BBS9: variants seen among roughly 807,000 people sequenced by gnomAD.
The protein encoded by BBS9 is protein PTHB1.
In BBS9, 89 loss-of-function variants were observed where a neutral mutation model predicts 117.7. The observed-to-expected ratio is 0.76, with a 90% CI of 0.64 to 0.90. The LOEUF (loss-of-function observed/expected upper bound fraction) is 0.90, where lower values mean the gene tolerates loss of function less well. Among genes scored for constraint, BBS9 ranks in the 40% least tolerant of loss-of-function variants. The pLI, the probability that BBS9 is intolerant of heterozygous loss-of-function variation, is 0.00. For synonymous variants in BBS9, 379 were observed against 370.9 expected (o/e 1.02, Z -0.25); for missense variants, 982 against 1,042.2 (o/e 0.94, Z 0.80).
intron 4 of BBS9, among the ~76,000 whole-genome samples, chr7:33,168,033 A>G (rs1367739844): frequency 6.6e-6 from 1 of 152,210 alleles, no homozygotes; most frequent in Non-Finnish European, 1.5e-5. Flanking sequence ...ATTTTGGTAC[A>G]TATATTAATA....
chr7:33,399,600 G>T (rs763835915), intron 19 of BBS9, among the ~76,000 whole-genome samples: 12 of 151,980 alleles, frequency 7.9e-5, no homozygotes, highest in Non-Finnish European at 1.0e-4. Context: ...AATGTTTATT[G>T]TACCTGCATA....
At chr7:33,303,384 T>A (rs1455577011) in intron 9 of BBS9, among the ~76,000 whole-genome samples, 1 of 152,192 alleles carries the variant, frequency 6.6e-6, no homozygotes, top group Non-Finnish European at 1.5e-5. Flanking sequence ...AGTATGAAAC[T>A]AGCTATGGGT....
chr7:33,290,413 A>C (rs1803791409), intron 9 of BBS9, among the ~76,000 whole-genome samples: 1 of 152,204 alleles, frequency 6.6e-6, no homozygotes, highest in Admixed American at 6.5e-5. Context: ...TAATGGAGGG[A>C]TGCAGTTAAA....
At chr7:33,378,673 C>A (rs1824367448) in intron 17 of BBS9, among the ~76,000 whole-genome samples, 1 of 152,188 alleles carries the variant, frequency 6.6e-6, no homozygotes, top group Admixed American at 6.5e-5. Flanking sequence ...CCATAGGCAG[C>A]TGAGGCAGAC....
intron 4 of BBS9, among the ~76,000 whole-genome samples, chr7:33,171,552 C>T (rs145237847): frequency 1.4e-3 from 214 of 152,216 alleles, no homozygotes; most frequent in African/African-American, 5.0e-3. Flanking sequence ...TAATTTCGAA[C>T]TAATTTTATA....
At position 33,249,625 on chromosome 7, in the gene BBS9, T is replaced by C. The variant is rs148972924; in HGVS notation, c.443-7611T>C. Among the ~76,000 whole-genome samples the C allele has an allele frequency of 2.2e-3, 328 of 152,268 alleles. 3 individuals are homozygous for C. Among genetic ancestry groups the C allele is most frequent in the African/African-American group, 7.2e-3 (301 of 41,554 alleles). On this transcript the variant is annotated intron_variant, in intron 5 of 22. Transcript: ENST00000242067. ...CAAGTAATATTTCAAATCACAACAG[T>C]TGTTTTTCTCTTATTGTGCTCAAAA...
chr7:33,326,518 C>T (rs1812887761), intron 9 of BBS9, among the ~76,000 whole-genome samples: 2 of 152,100 alleles, frequency 1.3e-5, no homozygotes, highest in African/African-American at 4.8e-5. Flanking sequence ...GACAAAGTCC[C>T]CTTTACTCTT....
chr7:33,597,067 TGTCACA>T (rs1400612092), intron 21 of BBS9, among the ~76,000 whole-genome samples: 1 of 119,496 alleles, frequency 8.4e-6, no homozygotes, highest in East Asian at 2.6e-4. Context: ...TCTCTCTCTC[TGTCACA>T]CACACACACA....
intron 9 of BBS9, among the ~76,000 whole-genome samples, chr7:33,294,069 G>A (rs555237865): frequency 1.3e-4 from 20 of 152,194 alleles, no homozygotes; most frequent in Non-Finnish European, 8.8e-5. Context: ...CAGAAACACA[G>A]CATTGTGAAT....
At chr7:33,449,939 TA>T in intron 19 of BBS9, among the ~76,000 whole-genome samples, 1 of 152,158 alleles carries the variant, frequency 6.6e-6, no homozygotes, top group Non-Finnish European at 1.5e-5. Flanking sequence ...GTCCACCACA[TA>T]TACATTGTTG....
At chr7:33,635,324 T>A (rs143789885) in exon 22 of BBS9, among the ~76,000 whole-genome samples, 1 of 152,288 alleles carries the variant, frequency 6.6e-6, no homozygotes, top group Non-Finnish European at 1.5e-5. Context: ...GACAGGCCAA[T>A]GGAGAAGGTC....
At chr7:33,548,003 T>C (rs1317301876) in intron 21 of BBS9, among the ~76,000 whole-genome samples, 1 of 152,132 alleles carries the variant, frequency 6.6e-6, no homozygotes, top group East Asian at 1.9e-4. Context: ...AAAGACCTCA[T>C]AGAATAACAT....
At chr7:33,534,771 G>C (rs1851113305) in intron 21 of BBS9, among the ~76,000 whole-genome samples, 1 of 152,168 alleles carries the variant, frequency 6.6e-6, no homozygotes, top group Non-Finnish European at 1.5e-5. Flanking sequence ...GGTCATAGGG[G>C]CTGAGCAGTC....
intron 9 of BBS9, among the ~76,000 whole-genome samples, chr7:33,283,044 C>T (rs965049952): frequency 6.6e-6 from 1 of 152,076 alleles, no homozygotes; most frequent in Non-Finnish European, 1.5e-5. Context: ...TGCTTTCATC[C>T]TGTTGATATA....
At chr7:33,417,470 A>G (rs1407349636) in intron 19 of BBS9, among the ~76,000 whole-genome samples, 1 of 152,222 alleles carries the variant, frequency 6.6e-6, no homozygotes. Flanking sequence ...ACTGGGTATA[A>G]AAACTCTGTC....
At chr7:33,261,792 C>T (rs370379036) in intron 6 of BBS9, among the ~76,000 whole-genome samples, 1 of 152,166 alleles carries the variant, frequency 6.6e-6, no homozygotes, top group Non-Finnish European at 1.5e-5. Context: ...AAAGCACCAC[C>T]GTTTAGCTGC....
chr7:33,129,354 A>C (rs1475726942), upstream of BBS9: 1 of 489,530 alleles, frequency 2.0e-6, no homozygotes, highest in Non-Finnish European at 3.6e-6. Context: ...CTGCCAGGAC[A>C]GGGCAGAGGA....
intron 5 of BBS9, among the ~76,000 whole-genome samples, chr7:33,255,794 C>A (rs755840536): frequency 6.6e-6 from 1 of 152,160 alleles, no homozygotes; most frequent in Non-Finnish European, 1.5e-5. Context: ...CATATACATA[C>A]AACATGCATA....
intron 5 of BBS9, among the ~76,000 whole-genome samples, chr7:33,185,006 A>G (rs1419145053): frequency 1.3e-5 from 2 of 152,194 alleles, no homozygotes; most frequent in African/African-American, 2.4e-5. Flanking sequence ...TCTTTAGACC[A>G]TACAATGTAA....
Sources: gnomAD v4.1 joint callset for allele counts (sites outside exome capture counted in the v4.1 genomes callset) on GRCh38, gnomAD v4.1.1 for gene constraint, MANE v1.5 for transcripts, NCBI Gene and HGNC (gene_info 2026-07-23, HGNC 2026-07-21) for gene names.